Variants in NAA25 observed in about 807,000 individuals in gnomAD.
The protein encoded by NAA25 is N-terminal acetyltransferase B complex subunit NAA25.
NAA25 carries 30 observed loss-of-function variants against 132.5 expected under a neutral mutation model. That is an observed-to-expected ratio of 0.23 (90% CI 0.17 to 0.31). The LOEUF (loss-of-function observed/expected upper bound fraction) is 0.31, where lower values mean the gene tolerates loss of function less well. Ranked by LOEUF, NAA25 falls within the 10% of genes least tolerant of loss-of-function variation. NAA25 has a pLI of 1.00. For missense variants in NAA25, 771 were observed against 1,150.4 expected (o/e 0.67, Z 4.77); for synonymous variants, 359 against 401.9 (o/e 0.89, Z 1.28).
rs891232328 is a variant in NAA25, at chr12:112,102,843, C to T, written c.58+5873G>A. ...CTGGGATTACAGATGCACACTACCA[C>T]ACCCGGCTAATTTTTCGTATATTTT... On this transcript the variant is annotated intron_variant, in intron 1 of 23. Transcript: ENST00000261745. Among the ~76,000 whole-genome samples, 4 of 152,076 alleles carry T rather than the reference C, an allele frequency of 2.6e-5. No individual in the cohort carries two copies. In the South Asian group the frequency reaches 6.2e-4, roughly 24 times the overall value.
intron 3 of NAA25, among the ~76,000 whole-genome samples, chr12:112,089,080 T>A (rs2079094895): frequency 6.6e-6 from 1 of 152,180 alleles, no homozygotes; most frequent in Admixed American, 6.5e-5. Context: ...ACCTCAACTC[T>A]TAGGTTTTAT....
chr12:112,061,488 G>T, intron 11 of NAA25, 100 bp from the exon 12 acceptor site: 2 of 748,382 alleles, frequency 2.7e-6, no homozygotes, highest in Non-Finnish European at 4.1e-6. Flanking sequence ...AAGACATCAA[G>T]AAAAAAAAAA....
chr12:112,077,973 C>A (rs117573161), intron 7 of NAA25, among the ~76,000 whole-genome samples: 4 of 151,688 alleles, frequency 2.6e-5, no homozygotes, highest in African/African-American at 4.8e-5. Context: ...TGGAGTATAA[C>A]CTTTCACACT....
intron 9 of NAA25, among the ~76,000 whole-genome samples, chr12:112,073,634 C>G (rs2078849054): frequency 6.6e-6 from 1 of 152,134 alleles, no homozygotes; most frequent in African/African-American, 2.4e-5. Context: ...GATGGGGTTT[C>G]ACCATTCACA....
chr12:112,047,552 A>C, intron 17 of NAA25, 113 bp downstream of exon 17: 1 of 1,306,826 alleles, frequency 7.7e-7, no homozygotes, highest in East Asian at 2.4e-5. Context: ...CTTTAAAAAT[A>C]AACTGCTTCA....
chr12:112,043,271 GA>G (rs1310065239), intron 18 of NAA25, 60 bp from the exon 19 acceptor site: 4 of 1,501,758 alleles, frequency 2.7e-6, no homozygotes, highest in Non-Finnish European at 3.6e-6. Context: ...TACAAAATAA[GA>G]AAATCAGGTA....
intron 11 of NAA25, among the ~76,000 whole-genome samples, chr12:112,064,862 C>T (rs534193871): frequency 1.3e-5 from 2 of 151,034 alleles, no homozygotes; most frequent in Admixed American, 6.6e-5. Context: ...TGGAGAAACC[C>T]GGTCTCTACT....
chr12:112,075,804 T>G lies in NAA25; in HGVS notation c.665-15A>C, dbSNP rs1430389517. The G allele has an allele frequency of 6.2e-7, 1 of 1,607,734 alleles. No individual in the cohort carries two copies. The highest frequency in any genetic ancestry group is 1.1e-5 in the South Asian group (1 of 90,948). ...TGTCAACTTCTCTAAAATCAAAAGT[T>G]ATAAAAGTTGGTAAGCTGGTTTCAT... On this transcript the variant is annotated splice_polypyrimidine_tract_variant and intron_variant, in intron 7 of 23. Coordinates refer to ENST00000261745, the MANE Select transcript of NAA25 (RefSeq NM_024953.4).
At position 112,043,756 on chromosome 12, in the gene NAA25, C is replaced by T; in HGVS notation, c.2119G>A (p.Val707Met). The T allele has an allele frequency of 6.2e-7, 1 of 1,614,166 alleles. No individual in the cohort carries two copies. ...GTCTTCTCCGAGTTCTTTGGCTCCA[C>T]AGGGTGGTTGAGACTTGGAAGTCCA... ...ISGLPSLNHP[V>M]EPKNSEKTAE... is the part of the protein sequence containing the mutation. The change falls in exon 18 of 24, where the codon GTG becomes ATG. Residue 707 changes from valine (V) to methionine (M), a missense_variant. Physicochemically the swap from Val to Met is conservative, Grantham distance 21. Transcript: ENST00000261745.
intron 9 of NAA25, among the ~76,000 whole-genome samples, chr12:112,074,264 C>A (rs2078860830): frequency 7.1e-6 from 1 of 140,318 alleles, no homozygotes; most frequent in Admixed American, 8.1e-5. Flanking sequence ...TCGCTTGCTT[C>A]TGGGAGGCAG....
At position 112,078,755 on chromosome 12, in the gene NAA25, A is replaced by C; in HGVS notation, c.478-14T>G. The C allele has an allele frequency of 6.3e-7, 1 of 1,595,516 alleles. No homozygotes were observed. The highest frequency in any genetic ancestry group is 8.6e-7 in the Non-Finnish European group (1 of 1,164,404). On this transcript the variant is annotated splice_polypyrimidine_tract_variant and intron_variant, in intron 5 of 23. Transcript: ENST00000261745. ...TGCCGATATAGACTGAAAGAAGAAA[A>C]ATAATGTTTCATTCTAATTCTCCCC...
intron 1 of NAA25, among the ~76,000 whole-genome samples, chr12:112,099,448 A>G (rs1470566850): frequency 6.6e-6 from 1 of 152,116 alleles, no homozygotes; most frequent in Non-Finnish European, 1.5e-5. Context: ...TATAATTATA[A>G]AATAAATTTA....
intron 15 of NAA25, among the ~76,000 whole-genome samples, chr12:112,052,691 T>TA (rs1379234703): frequency 2.6e-5 from 4 of 152,102 alleles, no homozygotes; most frequent in Middle Eastern, 3.2e-3. Context: ...CAAAAGGGTT[T>TA]AAAAAAAATC....
At chr12:112,067,716 C>T (rs930564646) in intron 11 of NAA25, among the ~76,000 whole-genome samples, 1 of 152,038 alleles carries the variant, frequency 6.6e-6, no homozygotes, top group Non-Finnish European at 1.5e-5. Flanking sequence ...ATTAAATAAA[C>T]GGAATCATAC....
Position 112,049,444 on chromosome 12 carries a change from T to C in NAA25, c.1729-1001A>G, listed in dbSNP as rs10466925. 5,650 of 985,678 alleles carry C rather than the reference T, an allele frequency of 5.7e-3. 241 individuals carry two copies. In the African/African-American group the frequency reaches 0.087, roughly 15 times the overall value. 61.1% of individuals were successfully genotyped at this position (985,678 alleles called of 1,614,324 possible). A position where few individuals can be genotyped will look rare whatever the true frequency, so the allele number is the denominator to read the frequency against. ...CCCATCTCCATTACGTCTGAATAAT[T>C]TGCCCAGTAGGAAAATAGGCCAATA... On this transcript the variant is annotated intron_variant, in intron 15 of 23. Coordinates refer to ENST00000261745, the MANE Select transcript of NAA25 (RefSeq NM_024953.4). This position sits in a 1 kb window ranked among gnomAD's most constrained non-coding sequence, Gnocchi z 4.7.
chr12:112,062,248 A>C (rs921456405), intron 11 of NAA25, among the ~76,000 whole-genome samples: 1 of 151,984 alleles, frequency 6.6e-6, no homozygotes, highest in Non-Finnish European at 1.5e-5. Context: ...AATACACAAA[A>C]AAATTAGCCA....
chr12:112,060,844 C>G (rs1262395411), intron 12 of NAA25, among the ~76,000 whole-genome samples: 1 of 152,136 alleles, frequency 6.6e-6, no homozygotes, highest in African/African-American at 2.4e-5. Context: ...TTACAATATT[C>G]TTTTTGTTCA....
intron 4 of NAA25, among the ~76,000 whole-genome samples, chr12:112,083,989 GAATT>G (rs2079008677): frequency 6.6e-6 from 1 of 152,158 alleles, no homozygotes; most frequent in Admixed American, 6.5e-5. Context: ...ATTAGAATAT[GAATT>G]AATATAAAAT....
chr12:112,047,529 G>T, intron 17 of NAA25, 136 bp downstream of exon 17: 1 of 1,093,674 alleles, frequency 9.1e-7, no homozygotes. Flanking sequence ...ACCGTGCCCA[G>T]CCCAACCTAA....
Sources: allele counts gnomAD v4.1 joint callset (sites outside exome capture counted in the v4.1 genomes callset), GRCh38; gene constraint gnomAD v4.1.1; non-coding constraint Gnocchi (gnomAD v3.1); transcripts MANE v1.5; gene names NCBI Gene and HGNC (gene_info 2026-07-23, HGNC 2026-07-21).